The following DOCK1 variants were observed in gnomAD, a reference collection of about 807,000 sequenced individuals.
DOCK1 encodes the protein dedicator of cytokinesis protein 1.
DOCK1 carries 138 observed loss-of-function variants against 262.7 expected under a neutral mutation model. That is an observed-to-expected ratio of 0.53 (90% confidence interval 0.46 to 0.61). The LOEUF is 0.61. Ranked by LOEUF, DOCK1 falls within the 20% of genes least tolerant of loss-of-function variation. The pLI is 0.00. For synonymous variants in DOCK1, 866 were observed against 867.4 expected (o/e 1.00, Z 0.03); for missense variants, 1,908 against 2,370.7 (o/e 0.80, Z 4.05).
At chr10:126,985,283 A>G (rs1324874365) in intron 4 of DOCK1, among the ~76,000 whole-genome samples, 1 of 152,068 alleles carries the variant, frequency 6.6e-6, no homozygotes, top group African/African-American at 2.4e-5. Context: ...GTGGAGCCCC[A>G]TTCATTCTTA....
At chr10:127,356,480 C>T (rs954790607) in intron 32 of DOCK1, among the ~76,000 whole-genome samples, 3 of 152,142 alleles carry the variant, frequency 2.0e-5, no homozygotes, top group Admixed American at 6.5e-5. Flanking sequence ...GAGGACCATC[C>T]GTGATTCATT....
At chr10:127,305,119 AT>A (rs60542053) in intron 29 of DOCK1, among the ~76,000 whole-genome samples, 5,241 of 151,822 alleles carry the variant, frequency 0.035, 182 homozygotes, top group Admixed American at 0.1. Flanking sequence ...AATTTTGCAT[AT>A]TTTTTTTAGC....
In DOCK1 at chr10:127,380,487, TACCAGAC is replaced by T. The variant is rs1416916489; in HGVS notation, c.3716+367_3716+373del. 2.6e-5 allele frequency among the ~76,000 whole-genome samples: 4 copies of T among 152,250 alleles called. No individual in the cohort carries two copies. In the South Asian group the frequency reaches 6.2e-4, roughly 24 times the overall value. ...CCAGTGAGAAATCCAGTTATAACTT[TACCAGAC>T]ATAGGGGAGTTATAATTTTTCAGTC... On this transcript the variant is annotated intron_variant, in intron 36 of 51. Coordinates refer to ENST00000623213, the MANE Select transcript of DOCK1 (RefSeq NM_001290223.2).
At position 127,176,129 on chromosome 10, in the gene DOCK1, T is replaced by C; in HGVS notation, c.2847+48365T>C. 6.2e-7 allele frequency: 1 copy of C among 1,614,138 alleles called. No homozygotes were observed. The highest frequency in any genetic ancestry group is 8.5e-7 in the Non-Finnish European group (1 of 1,180,030). ...TGGGGATGGACCTGCGTGCGGGCAC[T>C]GTCATGTATTTGCGGTAGGCTGCTC... On this transcript the variant is annotated intron_variant, in intron 27 of 51. Transcript: ENST00000623213. The surrounding 1 kb of genome is among the most constrained non-coding windows in gnomAD (Gnocchi z 4.4).
chr10:127,262,213 C>CATATGTGTGTGT (rs372547717), intron 29 of DOCK1, among the ~76,000 whole-genome samples: 5 of 126,484 alleles, frequency 4.0e-5, no homozygotes, highest in African/African-American at 1.5e-4. Flanking sequence ...TGTGTGTGTG[C>CATATGTGTGTGT]GTGTGTGTGT....
At chr10:126,960,791 TAC>T (rs1176439067) in intron 1 of DOCK1, among the ~76,000 whole-genome samples, 63,900 of 139,880 alleles carry the variant, frequency 0.46, 15,325 homozygotes, top group East Asian at 0.62. Context: ...TATGTGTATA[TAC>T]ACACACACAC....
At chr10:127,136,332 C>T (rs754123342) in intron 27 of DOCK1, 1 of 152,072 alleles carries the variant, frequency 6.6e-6, no homozygotes, top group Non-Finnish European at 1.5e-5. Context: ...AGGTGAGATC[C>T]TTTTACCAAG....
At chr10:127,136,111 CAT>C (rs1266860683) in intron 27 of DOCK1, 3 of 152,278 alleles carry the variant, frequency 2.0e-5, no homozygotes, top group Non-Finnish European at 4.4e-5. Context: ...TGTGTGTGCA[CAT>C]GTGTGTTTTA....
chr10:127,275,229 A>G (rs758267830), intron 29 of DOCK1, among the ~76,000 whole-genome samples: 9 of 152,238 alleles, frequency 5.9e-5, no homozygotes, highest in Non-Finnish European at 1.3e-4. Flanking sequence ...AAAGGAGACC[A>G]AGAGCAGGAG....
intron 27 of DOCK1, among the ~76,000 whole-genome samples, chr10:127,242,527 T>G (rs2134711386): frequency 6.6e-6 from 1 of 152,352 alleles, no homozygotes; most frequent in South Asian, 2.1e-4. Flanking sequence ...GACTTGACTC[T>G]CAGTTACATT....
chr10:127,320,818 A>G (rs2062486374), intron 29 of DOCK1, among the ~76,000 whole-genome samples: 1 of 152,086 alleles, frequency 6.6e-6, no homozygotes, highest in African/African-American at 2.4e-5. Context: ...GCTCCGAGTC[A>G]TCTGTCTACG....
At chr10:127,354,798 C>T (rs2064059590) in intron 32 of DOCK1, 71 bp downstream of exon 32, 1 of 1,585,384 alleles carries the variant, frequency 6.3e-7, no homozygotes, top group Non-Finnish European at 8.7e-7. Flanking sequence ...TGGCCGTGTT[C>T]ATCAGTGTTG....
At chr10:127,224,434 C>T (rs966888332) in intron 27 of DOCK1, among the ~76,000 whole-genome samples, 1 of 151,994 alleles carries the variant, frequency 6.6e-6, no homozygotes, top group African/African-American at 2.4e-5. Context: ...TGGTGGTACA[C>T]ACCTGTAATC....
chr10:127,451,510 T>A lies in DOCK1; in HGVS notation c.*83T>A. The A allele has an allele frequency of 6.5e-7, 1 of 1,542,324 alleles. No homozygotes were observed. The stretch of plus-strand genomic sequence containing the variant: ...TTCTGTGTCCCCTGAGTCTGCTGTT[T>A]ACCTCATTGGGCCTGTGATGTTAAC... On this transcript the variant is annotated 3_prime_UTR_variant, in exon 52 of 52. Coordinates refer to ENST00000623213, the MANE Select transcript of DOCK1 (RefSeq NM_001290223.2).
chr10:126,977,162 A>G (rs2038606016), intron 2 of DOCK1, among the ~76,000 whole-genome samples: 1 of 152,228 alleles, frequency 6.6e-6, no homozygotes, highest in South Asian at 2.1e-4. Context: ...TACTGACGGT[A>G]GACCCCTAGG....
At chr10:127,119,563 A>G (rs529737873) in intron 25 of DOCK1, among the ~76,000 whole-genome samples, 2 of 152,340 alleles carry the variant, frequency 1.3e-5, no homozygotes, top group East Asian at 3.9e-4. Flanking sequence ...CTGTGGGTCC[A>G]GGATTCTTAG....
intron 27 of DOCK1, among the ~76,000 whole-genome samples, chr10:127,208,975 C>T (rs573723442): frequency 6.6e-6 from 1 of 152,278 alleles, no homozygotes; most frequent in Admixed American, 6.5e-5. Flanking sequence ...TTAATACAGC[C>T]TCTCTTAGGT....
At chr10:127,037,170 G>A (rs2043691341) in intron 18 of DOCK1, among the ~76,000 whole-genome samples, 1 of 151,914 alleles carries the variant, frequency 6.6e-6, no homozygotes, top group Non-Finnish European at 1.5e-5. Context: ...ACATGGTGAG[G>A]GCCGGAAGCT....
rs368125096 is a variant in DOCK1, at chr10:127,314,477, T to C, written c.3045-24529T>C. On this transcript the variant is annotated intron_variant, in intron 29 of 51. Transcript: ENST00000623213. ...CCGGGACAGCTTGAGCAACTTCCAGTGTAAATGGGCTTCATTCACTGTGAG... is the reference window on the plus strand; with the variant it reads ...CCGGGACAGCTTGAGCAACTTCCAGCGTAAATGGGCTTCATTCACTGTGAG... Among the ~76,000 whole-genome samples the C allele has an allele frequency of 3.3e-5, 5 of 152,218 alleles. No homozygotes were observed. In the East Asian group the frequency reaches 9.6e-4, roughly 29 times the overall value.
Sources: gnomAD v4.1 joint callset for allele counts (sites outside exome capture counted in the v4.1 genomes callset) on GRCh38, gnomAD v4.1.1 for gene constraint, Gnocchi (gnomAD v3.1) non-coding constraint, MANE v1.5 for transcripts, NCBI Gene and HGNC (gene_info 2026-07-23, HGNC 2026-07-21) for gene names.